The following MRPL14 variants were observed in gnomAD, a reference collection of about 807,000 sequenced individuals.
MRPL14 encodes mitochondrial ribosomal protein L14, also known as large ribosomal subunit protein uL14m.
MRPL14 carries 8 observed loss-of-function variants against 10.9 expected under a neutral mutation model. The observed-to-expected ratio is 0.74, with a 90% CI of 0.43 to 1.33. MRPL14 has a LOEUF of 1.33. MRPL14 is among the 40% of genes most tolerant of loss of function. MRPL14 has a pLI of 0.01. For synonymous variants in MRPL14, 82 were observed against 74.1 expected (o/e 1.11, Z -0.54); for missense variants, 179 against 194.5 (o/e 0.92, Z 0.47).
chr6:44,124,716 C>T (rs1776768944), intron 1 of MRPL14, among the ~76,000 whole-genome samples: 1 of 152,170 alleles, frequency 6.6e-6, no homozygotes, highest in African/African-American at 2.4e-5. Flanking sequence ...AGCATATTAC[C>T]TGACCCAGAA....
chr6:44,113,991 G>T lies in MRPL14; in HGVS notation c.290C>A (p.Thr97Asn). The T allele has an allele frequency of 6.2e-7, 1 of 1,614,134 alleles. No individual in the cohort carries two copies. The highest frequency in any genetic ancestry group is 8.5e-7 in the Non-Finnish European group (1 of 1,179,988). The change falls in exon 3 of 3, where the codon ACC becomes AAC. Residue 97 changes from threonine to asparagine, a missense_variant. Physicochemically the swap from Thr to Asn is moderately conservative, Grantham distance 65. Coordinates refer to ENST00000372014, the MANE Select transcript of MRPL14 (RefSeq NM_032111.4). ...CACGTTGTTGGAGTCGAATCTGGGG[G>T]TCATTCGGGGGCCAGGCATGCAGTG... is the stretch of plus-strand genomic sequence containing the variant. ...VGHCMPGPRM[T>N]PRFDSNNVVL... is the part of the protein sequence containing the mutation.
chr6:44,115,228 T>C (rs538537327), intron 2 of MRPL14, among the ~76,000 whole-genome samples: 1 of 152,214 alleles, frequency 6.6e-6, no homozygotes, highest in African/African-American at 2.4e-5. Flanking sequence ...CCCATTAGCA[T>C]TGCTGCCAAC....
chr6:44,123,926 GA>G (rs1166910961), intron 1 of MRPL14, among the ~76,000 whole-genome samples: 2 of 152,164 alleles, frequency 1.3e-5, no homozygotes, highest in Non-Finnish European at 1.5e-5. Flanking sequence ...AATTATTCAA[GA>G]TGGTTTTTCA....
intron 1 of MRPL14, among the ~76,000 whole-genome samples, chr6:44,126,370 C>G (rs1777042649): frequency 6.6e-6 from 1 of 152,332 alleles, no homozygotes; most frequent in South Asian, 2.1e-4. Context: ...AAAAACACTG[C>G]AATAAATCAA....
At chr6:44,117,522 G>A (rs1007027002) in intron 1 of MRPL14, among the ~76,000 whole-genome samples, 12 of 152,108 alleles carry the variant, frequency 7.9e-5, no homozygotes, top group African/African-American at 1.9e-4. Flanking sequence ...GAGGTCTGCC[G>A]AGAAAAGCCT....
intron 2 of MRPL14, 93 bp from the exon 3 acceptor site, chr6:44,114,302 T>C: frequency 7.0e-7 from 1 of 1,421,302 alleles, no homozygotes. Context: ...AGAATGTACA[T>C]GTCAGCAACA....
At chr6:44,121,466 C>T (rs1776403847) in intron 1 of MRPL14, among the ~76,000 whole-genome samples, 1 of 152,192 alleles carries the variant, frequency 6.6e-6, no homozygotes, top group South Asian at 2.1e-4. Context: ...GTTGTAGAGG[C>T]AAGGGAGGAC....
intron 2 of MRPL14, among the ~76,000 whole-genome samples, chr6:44,114,802 G>T (rs1189787225): frequency 6.6e-6 from 1 of 152,104 alleles, no homozygotes; most frequent in Non-Finnish European, 1.5e-5. Context: ...GTAGAGACAG[G>T]GTTTCACCGT....
chr6:44,115,557 A>G (rs1775761538), intron 2 of MRPL14, among the ~76,000 whole-genome samples: 1 of 151,210 alleles, frequency 6.6e-6, no homozygotes, highest in Admixed American at 6.6e-5. Context: ...TTAGCAGCTC[A>G]CTCTCCTACA....
intron 1 of MRPL14, among the ~76,000 whole-genome samples, chr6:44,120,191 TCAA>T (rs1776261520): frequency 2.0e-5 from 3 of 152,192 alleles, no homozygotes. Flanking sequence ...AACGGCAGCA[TCAA>T]TTGCTACCCC....
chr6:44,116,653 A>G (rs761564794), intron 1 of MRPL14, 24 bp from the exon 2 acceptor site: 10 of 1,588,838 alleles, frequency 6.3e-6, no homozygotes, highest in African/African-American at 4.0e-5. Flanking sequence ...GAGAGGGGGA[A>G]AAATTGGTTT....
In MRPL14 at chr6:44,113,785, G is replaced by T. The variant is rs1485916132; in HGVS notation, c.*58C>A. The T allele has an allele frequency of 1.3e-6, 2 of 1,507,744 alleles. No individual in the cohort carries two copies. The highest frequency in any genetic ancestry group is 2.8e-5 in the African/African-American group (2 of 71,722). 93.4% of individuals were successfully genotyped at this position (1,507,744 alleles called of 1,614,324 possible). ...TGGCTCCCAAGCTCCCTTAGCAAAA[G>T]GGTGGTTCTCAGAACTGCTCCATTC... On this transcript the variant is annotated 3_prime_UTR_variant, in exon 3 of 3. Transcript: ENST00000372014.
At chr6:44,125,233 G>A (rs1444715638) in intron 1 of MRPL14, among the ~76,000 whole-genome samples, 3 of 152,202 alleles carry the variant, frequency 2.0e-5, no homozygotes, top group African/African-American at 7.2e-5. Context: ...CCTGGAAAGT[G>A]TCACTTGATG....
At chr6:44,117,625 G>A (rs944118866) in intron 1 of MRPL14, among the ~76,000 whole-genome samples, 1 of 152,092 alleles carries the variant, frequency 6.6e-6, no homozygotes, top group African/African-American at 2.4e-5. Context: ...GGGTGGGGCA[G>A]GGGAATCCAC....
intron 2 of MRPL14, among the ~76,000 whole-genome samples, chr6:44,115,362 C>T (rs1020132726): frequency 6.6e-6 from 1 of 152,148 alleles, no homozygotes; most frequent in Non-Finnish European, 1.5e-5. Context: ...AAACTCATCT[C>T]ACTGCCTCCC....
At chr6:44,117,468 C>A (rs1775959403) in intron 1 of MRPL14, among the ~76,000 whole-genome samples, 1 of 152,194 alleles carries the variant, frequency 6.6e-6, no homozygotes, top group Non-Finnish European at 1.5e-5. Flanking sequence ...CAAAACACAC[C>A]TGTTTTTCCA....
At chr6:44,115,498 CT>C (rs1775757080) in intron 2 of MRPL14, among the ~76,000 whole-genome samples, 1 of 152,126 alleles carries the variant, frequency 6.6e-6, no homozygotes, top group African/African-American at 2.4e-5. Context: ...ATATCACCCC[CT>C]AAGCACCTAT....
chr6:44,125,113 A>G (rs72855997), intron 1 of MRPL14, among the ~76,000 whole-genome samples: 1 of 152,304 alleles, frequency 6.6e-6, no homozygotes, highest in Non-Finnish European at 1.5e-5. Context: ...GCCCCAAGGG[A>G]AACATTTTAT....
chr6:44,122,086 C>G (rs566456609), intron 1 of MRPL14, among the ~76,000 whole-genome samples: 588 of 148,802 alleles, frequency 4.0e-3, no homozygotes, highest in Admixed American at 4.9e-3. Context: ...TCTTCCCCCC[C>G]CTCTTTTTTT....
Sources: gnomAD v4.1 joint callset for allele counts (sites outside exome capture counted in the v4.1 genomes callset) on GRCh38, gnomAD v4.1.1 for gene constraint, MANE v1.5 for transcripts, NCBI Gene and HGNC (gene_info 2026-07-23, HGNC 2026-07-21) for gene names.